The following CTCF variants were observed in gnomAD, a reference collection of about 807,000 sequenced individuals.
The protein encoded by CTCF is CCCTC-binding factor.
In CTCF, 7 loss-of-function variants were observed where a neutral mutation model predicts 72.3. That is an observed-to-expected ratio of 0.10 (90% confidence interval 0.06 to 0.18). The LOEUF is 0.18. CTCF is among the 10% of genes least tolerant of loss of function. The pLI, the probability that CTCF is intolerant of heterozygous loss-of-function variation, is 1.00. For synonymous variants in CTCF, 374 were observed against 315.8 expected (o/e 1.18, Z -1.95); for missense variants, 516 against 949.1 (o/e 0.54, Z 6.00).
intron 7 of CTCF, among the ~76,000 whole-genome samples, chr16:67,622,372 A>G (rs577985732): frequency 6.6e-6 from 1 of 151,968 alleles, no homozygotes; most frequent in Non-Finnish European, 1.5e-5. Context: ...AAAAAAGGTA[A>G]CGAGTAAAAA....
chr16:67,621,686 C>T, intron 7 of CTCF, 95 bp downstream of exon 7: 7 of 884,280 alleles, frequency 7.9e-6, no homozygotes, highest in Non-Finnish European at 1.2e-5. Flanking sequence ...TTCTGACTCT[C>T]ATAACATTTT....
chr16:67,610,918 G>T lies in CTCF; in HGVS notation c.86G>T (p.Arg29Leu). The T allele has an allele frequency of 6.5e-7, 1 of 1,542,230 alleles. No individual in the cohort carries two copies. The highest frequency in any genetic ancestry group is 1.3e-5 in the South Asian group (1 of 78,948). The part of the protein sequence containing the change: ...GKERKTYQRR[R>L]EGGQEEDACH... ...GAGAGAAAGACTTACCAGAGACGCC[G>T]GGAAGGGGGCCAGGAAGAAGATGCC... The change falls in exon 3 of 12, where the codon CGG becomes CTG. Residue 29 changes from arginine (R) to leucine (L), a missense_variant. This residue lies in a region of CTCF where 148 missense variants were observed against 194.9 expected (regional missense o/e 0.76). Coordinates refer to ENST00000264010, the MANE Select transcript of CTCF (RefSeq NM_006565.4).
chr16:67,619,206 C>CG (rs1355282289), intron 5 of CTCF, among the ~76,000 whole-genome samples: 2 of 152,158 alleles, frequency 1.3e-5, no homozygotes, highest in African/African-American at 2.4e-5. Context: ...GAAGCTGAGG[C>CG]GGGTTGGTCA....
At chr16:67,572,811 G>T (rs1239948699) in intron 2 of CTCF, among the ~76,000 whole-genome samples, 1 of 151,700 alleles carries the variant, frequency 6.6e-6, no homozygotes, top group African/African-American at 2.4e-5. Flanking sequence ...GTGGTGGTGG[G>T]TGCCTGTAAT....
chr16:67,637,457 G>A (rs952544257), intron 11 of CTCF, among the ~76,000 whole-genome samples: 2 of 152,092 alleles, frequency 1.3e-5, no homozygotes, highest in Non-Finnish European at 1.5e-5. Flanking sequence ...GCTTTAACCC[G>A]GGGGGCAGAG....
chr16:67,611,366 A>G lies in CTCF; in HGVS notation c.534A>G (p.Leu178=). 6.2e-7 allele frequency: 1 copy of G among 1,614,176 alleles called. No homozygotes were observed. The highest frequency in any genetic ancestry group is 1.1e-5 in the South Asian group (1 of 91,086). Residue 178 remains leucine (L), a synonymous_variant, in exon 3 of 12, where the codon CTA becomes CTG. Transcript: ENST00000264010. The part of the protein sequence containing the change: ...KVGANGEVET[L]EQGELPPQED... ...GGGCCAATGGAGAGGTGGAGACACT[A>G]GAACAAGGGGAACTTCCACCCCAGG...
At chr16:67,587,903 G>A (rs1244160154) in intron 2 of CTCF, among the ~76,000 whole-genome samples, 4 of 152,090 alleles carry the variant, frequency 2.6e-5, no homozygotes, top group Non-Finnish European at 5.9e-5. Context: ...AGTCACCCAG[G>A]CTGGGATGCA....
chr16:67,581,710 C>T (rs1173842697), intron 2 of CTCF, among the ~76,000 whole-genome samples: 1 of 151,928 alleles, frequency 6.6e-6, no homozygotes, highest in Non-Finnish European at 1.5e-5. Flanking sequence ...ATCACGTTGG[C>T]CAGGCTGGTC....
intron 2 of CTCF, among the ~76,000 whole-genome samples, chr16:67,608,333 A>AT (rs906621836): frequency 4.0e-5 from 6 of 151,632 alleles, no homozygotes; most frequent in Non-Finnish European, 5.9e-5. Context: ...CAAAAAAAAA[A>AT]TTAAAAAAAA....
chr16:67,624,529 C>A (rs2052255537), intron 7 of CTCF, among the ~76,000 whole-genome samples: 1 of 152,134 alleles, frequency 6.6e-6, no homozygotes, highest in Non-Finnish European at 1.5e-5. Context: ...CCTCTTACTT[C>A]TTTAAACTTT....
At chr16:67,574,321 T>G (rs113779529) in intron 2 of CTCF, among the ~76,000 whole-genome samples, 21 of 152,244 alleles carry the variant, frequency 1.4e-4, no homozygotes, top group Non-Finnish European at 2.8e-4. Flanking sequence ...TTCTTTAGAT[T>G]TGCCAGTTTG....
At chr16:67,612,978 G>A (rs1017629183) in intron 4 of CTCF, among the ~76,000 whole-genome samples, 4 of 152,202 alleles carry the variant, frequency 2.6e-5, no homozygotes, top group Non-Finnish European at 2.9e-5. Flanking sequence ...GTTGTTTCAC[G>A]TCAAGGAAGA....
intron 2 of CTCF, among the ~76,000 whole-genome samples, chr16:67,605,004 G>A (rs1340929058): frequency 4.5e-5 from 5 of 110,438 alleles, no homozygotes; most frequent in Non-Finnish European, 6.6e-5. Flanking sequence ...AGACAGTCTC[G>A]CTCTGTCTCC....
At position 67,636,883 on chromosome 16, in the gene CTCF, C is replaced by T. The variant is rs749776841; in HGVS notation, c.1999+32C>T. 4.4e-5 allele frequency: 64 copies of T among 1,449,602 alleles called. 1 individual carries two copies. Among genetic ancestry groups the T allele is most frequent in the Non-Finnish European group, 5.6e-5 (61 of 1,088,936 alleles). The allele number at this position is 1,449,602 out of a possible 1,614,324, so 89.8% of individuals were successfully genotyped here. On this transcript the variant is annotated intron_variant, in intron 11 of 11. Transcript: ENST00000264010. ...TGTTCATCTCTGCTCTGGAGGCTGGCGTCTTCTCCGAGCATGTGGGGGAGC... is the reference window on the plus strand; with the variant it reads ...TGTTCATCTCTGCTCTGGAGGCTGGTGTCTTCTCCGAGCATGTGGGGGAGC...
chr16:67,625,673 A>G (rs955997205), intron 7 of CTCF, among the ~76,000 whole-genome samples: 4 of 151,500 alleles, frequency 2.6e-5, no homozygotes, highest in African/African-American at 9.7e-5. Context: ...TTATATTCCT[A>G]CTCCAGATCT....
At chr16:67,615,478 G>A (rs1347526584) in intron 4 of CTCF, 1 of 152,224 alleles carries the variant, frequency 6.6e-6, no homozygotes, top group Non-Finnish European at 1.5e-5. Context: ...AGCCAGGCAT[G>A]GTGGTGCAAG....
chr16:67,599,947 G>A (rs986315327), intron 2 of CTCF, among the ~76,000 whole-genome samples: 6 of 152,186 alleles, frequency 3.9e-5, no homozygotes, highest in African/African-American at 1.2e-4. Context: ...GAAGTTAAAA[G>A]GCTAGTGTAA....
At chr16:67,626,433 A>T in intron 7 of CTCF, 122 bp from the exon 8 acceptor site, 2 of 654,528 alleles carry the variant, frequency 3.1e-6, no homozygotes, top group Non-Finnish European at 4.5e-6. Flanking sequence ...AGCCTGGGTG[A>T]CAGAGCAAGA....
intron 1 of CTCF, among the ~76,000 whole-genome samples, chr16:67,568,905 T>C (rs2051376519): frequency 6.6e-6 from 1 of 152,010 alleles, no homozygotes; most frequent in African/African-American, 2.4e-5. Flanking sequence ...TGGTGTGATC[T>C]TGGCTCACTG....
Sources: gnomAD v4.1 joint callset for allele counts (sites outside exome capture counted in the v4.1 genomes callset) on GRCh38, gnomAD v4.1.1 for gene constraint, gnomAD v4.1.1 regional missense constraint, MANE v1.5 for transcripts, NCBI Gene and HGNC (gene_info 2026-07-23, HGNC 2026-07-21) for gene names.